Variants in CSMD1 observed in about 807,000 individuals in gnomAD.
CSMD1 encodes the protein CUB and Sushi multiple domains 1.
Under a neutral mutation model 417.5 loss-of-function variants are expected in CSMD1, and 213 were observed. The observed-to-expected ratio is 0.51, with a 90% confidence interval of 0.46 to 0.57. The LOEUF is 0.57. Ranked by LOEUF, CSMD1 falls within the 20% of genes least tolerant of loss-of-function variation. The pLI is 0.00. For missense variants in CSMD1, 6,923 were observed against 4,529.7 expected (o/e 1.53, Z -15.17); for synonymous variants, 2,862 against 1,736.8 (o/e 1.65, Z -16.11).
intron 2 of CSMD1, among the ~76,000 whole-genome samples, chr8:4,451,377 A>G (rs963933705): frequency 2.6e-5 from 4 of 152,180 alleles, no homozygotes; most frequent in Non-Finnish European, 5.9e-5. Flanking sequence ...ACAAGTGTTT[A>G]TGGAAGATAA....
chr8:4,836,136 G>A (rs186175762), intron 1 of CSMD1, among the ~76,000 whole-genome samples: 1 of 152,112 alleles, frequency 6.6e-6, no homozygotes, highest in South Asian at 2.1e-4. Flanking sequence ...TTGAAATATA[G>A]GTTTTATAAG....
At chr8:3,985,546 T>G (rs1466103850) in intron 5 of CSMD1, among the ~76,000 whole-genome samples, 1 of 152,120 alleles carries the variant, frequency 6.6e-6, no homozygotes, top group Non-Finnish European at 1.5e-5. Flanking sequence ...TTTTACTCCA[T>G]GGATTGCTCT....
At chr8:4,563,787 T>C (rs1239828179) in intron 2 of CSMD1, among the ~76,000 whole-genome samples, 1 of 152,152 alleles carries the variant, frequency 6.6e-6, no homozygotes, top group Admixed American at 6.5e-5. Context: ...GTCCTAAATG[T>C]TTCTGTCCCC....
intron 3 of CSMD1, among the ~76,000 whole-genome samples, chr8:4,193,123 C>T (rs1563251616): frequency 1.3e-5 from 2 of 152,140 alleles, no homozygotes; most frequent in African/African-American, 2.4e-5. Flanking sequence ...ATTCTCTGAG[C>T]TTTCAGGAAA....
At chr8:4,157,004 G>C (rs757867574) in intron 3 of CSMD1, among the ~76,000 whole-genome samples, 4 of 152,136 alleles carry the variant, frequency 2.6e-5, no homozygotes, top group Non-Finnish European at 5.9e-5. Flanking sequence ...ATATTAAGTA[G>C]GGGTGGTGGC....
chr8:3,858,912 G>A (rs1301690707), intron 5 of CSMD1, among the ~76,000 whole-genome samples: 1 of 152,146 alleles, frequency 6.6e-6, no homozygotes, highest in Non-Finnish European at 1.5e-5. Context: ...TTTTACAAAT[G>A]GATTTGGCGA....
At chr8:3,881,920 G>C (rs898446706) in intron 5 of CSMD1, among the ~76,000 whole-genome samples, 1 of 152,174 alleles carries the variant, frequency 6.6e-6, no homozygotes, top group Non-Finnish European at 1.5e-5. Flanking sequence ...AAGTTACCTG[G>C]ATTCTTTATA....
chr8:4,042,123 C>T (rs1369327205), intron 3 of CSMD1, among the ~76,000 whole-genome samples: 1 of 151,974 alleles, frequency 6.6e-6, no homozygotes, highest in African/African-American at 2.4e-5. Flanking sequence ...GAAAAGGAAA[C>T]AAATTACCTA....
intron 3 of CSMD1, among the ~76,000 whole-genome samples, chr8:4,347,085 T>G (rs1660954463): frequency 6.6e-6 from 1 of 152,034 alleles, no homozygotes; most frequent in African/African-American, 2.4e-5. Context: ...TCTCCTATTC[T>G]TTGACCCCTC....
intron 18 of CSMD1, among the ~76,000 whole-genome samples, chr8:3,384,838 C>A (rs1469661692): frequency 8.5e-6 from 1 of 117,158 alleles, no homozygotes; most frequent in Admixed American, 1.0e-4. Context: ...AAATAGTATA[C>A]ATATTTATAT....
intron 10 of CSMD1, among the ~76,000 whole-genome samples, chr8:3,505,719 G>C (rs1282033130): frequency 2.0e-5 from 3 of 152,186 alleles, no homozygotes; most frequent in African/African-American, 7.2e-5. Flanking sequence ...GCACTGGATA[G>C]AAGGGAAAAC....
intron 5 of CSMD1, among the ~76,000 whole-genome samples, chr8:3,760,230 A>C (rs1011363427): frequency 7.2e-5 from 11 of 152,220 alleles, no homozygotes; most frequent in African/African-American, 2.7e-4. Context: ...AATGTTGGAC[A>C]GCTCCTTTAG....
At chr8:3,456,181 G>A (rs1159392606) in intron 12 of CSMD1, among the ~76,000 whole-genome samples, 1 of 152,196 alleles carries the variant, frequency 6.6e-6, no homozygotes. Context: ...TAGGGTGGGA[G>A]TGACCCAATT....
chr8:4,005,517 G>C (rs566322741), intron 4 of CSMD1, among the ~76,000 whole-genome samples: 11 of 152,274 alleles, frequency 7.2e-5, no homozygotes, highest in Non-Finnish European at 1.0e-4. Context: ...CGATACACTT[G>C]CCTTTCTCAA....
intron 26 of CSMD1, among the ~76,000 whole-genome samples, chr8:3,234,450 G>C (rs1252154097): frequency 6.6e-6 from 1 of 152,088 alleles, no homozygotes; most frequent in African/African-American, 2.4e-5. Flanking sequence ...CTCGTGTTTT[G>C]AACAGGGGAA....
chr8:4,084,972 C>T (rs970372865), intron 3 of CSMD1, among the ~76,000 whole-genome samples: 2 of 152,012 alleles, frequency 1.3e-5, no homozygotes, highest in South Asian at 2.1e-4. Context: ...AGGAGATGGC[C>T]ATATTACCAC....
At chr8:3,751,101 G>A (rs1247937604) in intron 6 of CSMD1, among the ~76,000 whole-genome samples, 2 of 151,930 alleles carry the variant, frequency 1.3e-5, no homozygotes, top group East Asian at 1.9e-4. Flanking sequence ...TGTTCAATGA[G>A]GACCATGTGG....
chr8:3,470,012 A>C (rs2099444583), intron 11 of CSMD1, among the ~76,000 whole-genome samples: 1 of 152,180 alleles, frequency 6.6e-6, no homozygotes, highest in African/African-American at 2.4e-5. Context: ...CAAGCCAAAA[A>C]GCGCACAGAT....
At chr8:4,099,612 T>C (rs9987408) in intron 3 of CSMD1, among the ~76,000 whole-genome samples, 28,840 of 150,366 alleles carry the variant, frequency 0.19, 2,921 homozygotes, top group East Asian at 0.33. Context: ...CATCCCCCAA[T>C]TAAAAAAAAA....
Sources: gnomAD v4.1 joint callset for allele counts (sites outside exome capture counted in the v4.1 genomes callset) on GRCh38, gnomAD v4.1.1 for gene constraint, MANE v1.5 for transcripts, NCBI Gene and HGNC (gene_info 2026-07-23, HGNC 2026-07-21) for gene names.